Variants in PDE1A observed in about 807,000 individuals in gnomAD.
PDE1A encodes the protein phosphodiesterase 1A.
A neutral mutation model predicts 61.7 loss-of-function variants in PDE1A; 35 were observed. That is an observed-to-expected ratio of 0.57 (90% CI 0.43 to 0.75). PDE1A has a LOEUF of 0.75. Among genes scored for constraint, PDE1A ranks in the 30% least tolerant of loss-of-function variants. PDE1A has a pLI of 0.00. For synonymous variants in PDE1A, 232 were observed against 213.2 expected (o/e 1.09, Z -0.77); for missense variants, 597 against 630.6 (o/e 0.95, Z 0.57).
At chr2:182,282,897 T>G (rs1022407643) in intron 1 of PDE1A, among the ~76,000 whole-genome samples, 9 of 152,026 alleles carry the variant, frequency 5.9e-5, no homozygotes, top group Admixed American at 1.3e-4. Flanking sequence ...ATGTGGACAC[T>G]GCGCCTTAAA....
chr2:182,499,173 GTTTT>G (rs545033513), intron 2 of PDE1A, among the ~76,000 whole-genome samples: 20 of 77,322 alleles, frequency 2.6e-4, no homozygotes, highest in East Asian at 1.9e-3. Flanking sequence ...TCTTTTTCTT[GTTTT>G]TTTTTTTTTT....
the PDE1A span, among the ~76,000 whole-genome samples, chr2:182,589,918 T>C: frequency 6.6e-6 from 1 of 152,200 alleles, no homozygotes; most frequent in Non-Finnish European, 1.5e-5. Flanking sequence ...TCAGCCAGGC[T>C]TCCTCCAGTG....
the PDE1A span, among the ~76,000 whole-genome samples, chr2:182,685,677 G>C: frequency 1.3e-5 from 2 of 152,172 alleles, no homozygotes; most frequent in Admixed American, 1.3e-4. Context: ...CTGTCTGAGT[G>C]TGCCCTTCCC....
At chr2:182,336,853 G>A (rs1697859268) in intron 1 of PDE1A, among the ~76,000 whole-genome samples, 1 of 151,588 alleles carries the variant, frequency 6.6e-6, no homozygotes, top group Non-Finnish European at 1.5e-5. Flanking sequence ...CCTGTTGGGG[G>A]TAGGGTGTGA....
At chr2:182,385,453 T>A (rs138804787) in intron 1 of PDE1A, among the ~76,000 whole-genome samples, 5 of 151,918 alleles carry the variant, frequency 3.3e-5, no homozygotes, top group Non-Finnish European at 1.5e-5. Context: ...ATTTTGTGGG[T>A]TTTTTTAAAA....
chr2:182,399,810 A>G (rs1289185688), intron 1 of PDE1A, among the ~76,000 whole-genome samples: 1 of 152,048 alleles, frequency 6.6e-6, no homozygotes, highest in East Asian at 1.9e-4. Flanking sequence ...ACTATAATCA[A>G]TTTAGTCAGT....
chr2:182,220,544 G>T (rs1328082879), intron 7 of PDE1A, among the ~76,000 whole-genome samples: 1 of 152,100 alleles, frequency 6.6e-6, no homozygotes, highest in Non-Finnish European at 1.5e-5. Context: ...TAATGTTTGA[G>T]ATGGTCTTTG....
chr2:182,234,086 C>T (rs1317067432), intron 4 of PDE1A, among the ~76,000 whole-genome samples: 7 of 151,942 alleles, frequency 4.6e-5, no homozygotes, highest in Admixed American at 3.9e-4. Flanking sequence ...TTAACTCTTC[C>T]ATAATATATT....
At chr2:182,689,827 TA>T in the PDE1A span, among the ~76,000 whole-genome samples, 1 of 151,536 alleles carries the variant, frequency 6.6e-6, no homozygotes, top group African/African-American at 2.4e-5. Flanking sequence ...ATAGATGCAA[TA>T]AAAAAATGAT....
At chr2:182,495,924 A>C (rs1688686183) in intron 2 of PDE1A, among the ~76,000 whole-genome samples, 1 of 152,246 alleles carries the variant, frequency 6.6e-6, no homozygotes, top group Non-Finnish European at 1.5e-5. Flanking sequence ...ACTGTTCTTC[A>C]AAATGGCAAA....
intron 2 of PDE1A, among the ~76,000 whole-genome samples, chr2:182,454,145 T>A (rs1422590256): frequency 6.6e-6 from 1 of 152,074 alleles, no homozygotes; most frequent in Admixed American, 6.6e-5. Flanking sequence ...GAGAGCCAAA[T>A]CATGAGTGAA....
chr2:182,203,426 G>C (rs545282926), intron 8 of PDE1A, among the ~76,000 whole-genome samples: 9 of 152,264 alleles, frequency 5.9e-5, no homozygotes, highest in African/African-American at 2.2e-4. Context: ...TCAATACTCT[G>C]CTTACTTACT....
At chr2:182,349,113 T>G (rs1357019030) in intron 1 of PDE1A, among the ~76,000 whole-genome samples, 2 of 152,172 alleles carry the variant, frequency 1.3e-5, no homozygotes, top group African/African-American at 4.8e-5. Flanking sequence ...GACCAGACCT[T>G]TGACTGCTAA....
chr2:182,375,590 T>A lies in PDE1A; in HGVS notation c.53+50988A>T, dbSNP rs113351406. 6.4e-3 allele frequency among the ~76,000 whole-genome samples: 975 copies of A among 152,308 alleles called. 14 individuals are homozygous for A. The highest frequency in any genetic ancestry group is 0.022 in the African/African-American group (905 of 41,568). On this transcript the variant is annotated intron_variant, in intron 1 of 13. Coordinates refer to ENST00000351439, the Ensembl canonical transcript of PDE1A. ...TGCTTTCATGGGCTGGCATTGAGTG[T>A]CTGTGGCTTTTCCAGGCACAAAGTG... is the stretch of plus-strand genomic sequence containing the variant.
the PDE1A span, among the ~76,000 whole-genome samples, chr2:182,614,376 T>C: frequency 1.3e-5 from 2 of 152,160 alleles, no homozygotes; most frequent in Admixed American, 1.3e-4. Context: ...TCAGAGTTTA[T>C]AATGAATGTA....
chr2:182,572,363 G>A, the PDE1A span, among the ~76,000 whole-genome samples: 2 of 152,138 alleles, frequency 1.3e-5, no homozygotes, highest in African/African-American at 4.8e-5. Context: ...AACAGGTACA[G>A]GAGGAAGGAA....
chr2:182,304,124 C>A (rs892153673), intron 1 of PDE1A, among the ~76,000 whole-genome samples: 1 of 152,118 alleles, frequency 6.6e-6, no homozygotes, highest in Non-Finnish European at 1.5e-5. Flanking sequence ...ACCTCGTGAT[C>A]CTCCTGCCTC....
intron 1 of PDE1A, among the ~76,000 whole-genome samples, chr2:182,335,508 G>A (rs1697739874): frequency 6.6e-6 from 1 of 152,286 alleles, no homozygotes; most frequent in South Asian, 2.1e-4. Context: ...ACAAAAACAA[G>A]CAATGGGGAA....
chr2:182,688,134 C>T, the PDE1A span, among the ~76,000 whole-genome samples: 5 of 152,118 alleles, frequency 3.3e-5, no homozygotes, highest in African/African-American at 1.2e-4. Flanking sequence ...ACTTCCCCAA[C>T]CTAGCAAGGC....
Sources: allele counts gnomAD v4.1 joint callset (sites outside exome capture counted in the v4.1 genomes callset), GRCh38; gene constraint gnomAD v4.1.1; transcripts MANE v1.5; gene names NCBI Gene and HGNC (gene_info 2026-07-23, HGNC 2026-07-21).